ANKIB1: variants seen among roughly 807,000 people sequenced by gnomAD.
The protein encoded by ANKIB1 is ankyrin repeat and IBR domain containing 1.
In ANKIB1, 43 loss-of-function variants were observed where a neutral mutation model predicts 122.1. The observed-to-expected ratio is 0.35, with a 90% CI of 0.28 to 0.45. The LOEUF is 0.45. Ranked by LOEUF, ANKIB1 falls within the 20% of genes least tolerant of loss-of-function variation. The pLI is 1.00. For missense variants in ANKIB1, 992 were observed against 1,329.5 expected (o/e 0.75, Z 3.95); for synonymous variants, 390 against 442.0 (o/e 0.88, Z 1.48).
chr7:92,328,226 G>T (rs1011111041), intron 5 of ANKIB1, among the ~76,000 whole-genome samples: 3 of 152,020 alleles, frequency 2.0e-5, no homozygotes, highest in Non-Finnish European at 4.4e-5. Context: ...TCCTAGCCCT[G>T]GTTTTGACAT....
At chr7:92,352,399 A>G in intron 8 of ANKIB1, 77 bp from the exon 9 acceptor site, 1 of 1,411,118 alleles carries the variant, frequency 7.1e-7, no homozygotes, top group Non-Finnish European at 9.7e-7. Context: ...ATAGTAAATT[A>G]CCATAGAGGT....
chr7:92,292,946 G>A (rs1217698557), intron 1 of ANKIB1, among the ~76,000 whole-genome samples: 1 of 152,080 alleles, frequency 6.6e-6, no homozygotes, highest in African/African-American at 2.4e-5. Flanking sequence ...TCTACTGTAT[G>A]TATGTATTTG....
chr7:92,324,418 G>A (rs897923804), intron 4 of ANKIB1, among the ~76,000 whole-genome samples: 1 of 152,090 alleles, frequency 6.6e-6, no homozygotes, highest in Non-Finnish European at 1.5e-5. Flanking sequence ...ATTTTTAGTA[G>A]AGACAGGGTT....
At chr7:92,319,772 A>G (rs1802865912) in intron 4 of ANKIB1, 1 of 335,666 alleles carries the variant, frequency 3.0e-6, no homozygotes, top group Non-Finnish European at 5.4e-6. Flanking sequence ...TCTATCTACA[A>G]AAAATTTTAA....
intron 1 of ANKIB1, among the ~76,000 whole-genome samples, chr7:92,258,350 G>A (rs1801490062): frequency 6.6e-6 from 1 of 152,194 alleles, no homozygotes; most frequent in South Asian, 2.1e-4. Context: ...AATGTCCTAA[G>A]CCAGAGGTTC....
intron 2 of ANKIB1, among the ~76,000 whole-genome samples, chr7:92,306,355 C>T (rs574901165): frequency 6.6e-6 from 1 of 152,206 alleles, no homozygotes; most frequent in African/African-American, 2.4e-5. Flanking sequence ...AGGAGCTAGG[C>T]ACAACTCTTA....
At chr7:92,262,266 G>T (rs1801581679) in intron 1 of ANKIB1, among the ~76,000 whole-genome samples, 1 of 152,214 alleles carries the variant, frequency 6.6e-6, no homozygotes, top group African/African-American at 2.4e-5. Context: ...GATGTATGCA[G>T]TATAAATTAA....
chr7:92,302,260 T>A (rs1386631641), intron 2 of ANKIB1, among the ~76,000 whole-genome samples: 2 of 152,198 alleles, frequency 1.3e-5, no homozygotes, highest in Non-Finnish European at 2.9e-5. Context: ...GATGTATATA[T>A]GTAGGCAAAG....
At chr7:92,392,213 T>C (rs532601479) in intron 16 of ANKIB1, 28 bp from the exon 17 acceptor site, 2 of 1,598,420 alleles carry the variant, frequency 1.3e-6, no homozygotes. Context: ...TGATATTAAA[T>C]CAAATGGTAT....
At chr7:92,261,603 T>C (rs1239831284) in intron 1 of ANKIB1, among the ~76,000 whole-genome samples, 1 of 152,200 alleles carries the variant, frequency 6.6e-6, no homozygotes, top group African/African-American at 2.4e-5. Flanking sequence ...TTTTTCATAT[T>C]CTCCAAGAAA....
At chr7:92,388,111 G>A in intron 14 of ANKIB1, 70 bp downstream of exon 14, 2 of 1,379,698 alleles carry the variant, frequency 1.4e-6, no homozygotes, top group Non-Finnish European at 2.0e-6. Flanking sequence ...TCACTAGTAG[G>A]TTAGGCCCTG....
At chr7:92,318,910 A>G (rs984048772) in intron 3 of ANKIB1, among the ~76,000 whole-genome samples, 2 of 152,352 alleles carry the variant, frequency 1.3e-5, no homozygotes, top group South Asian at 4.1e-4. Flanking sequence ...ATGCCAGGAC[A>G]TCCAGACTTT....
At chr7:92,251,142 T>C (rs986745870) in intron 1 of ANKIB1, among the ~76,000 whole-genome samples, 12 of 152,194 alleles carry the variant, frequency 7.9e-5, no homozygotes, top group Admixed American at 2.0e-4. Context: ...GAAACAATAT[T>C]GGAGGTAGAA....
chr7:92,379,565 A>G (rs956972140), intron 11 of ANKIB1, among the ~76,000 whole-genome samples: 1 of 152,206 alleles, frequency 6.6e-6, no homozygotes, highest in Non-Finnish European at 1.5e-5. Context: ...AGCCTACAAT[A>G]TAGACAAAGA....
chr7:92,322,139 TTAGTG>T (rs1262460236), intron 4 of ANKIB1, among the ~76,000 whole-genome samples: 1 of 152,188 alleles, frequency 6.6e-6, no homozygotes, highest in Non-Finnish European at 1.5e-5. Context: ...ACTGTAATAA[TTAGTG>T]TAGTCATTTA....
chr7:92,350,928 G>A (rs756098142), intron 7 of ANKIB1, 22 bp from the exon 8 acceptor site: 1 of 1,580,636 alleles, frequency 6.3e-7, no homozygotes, highest in Non-Finnish European at 8.6e-7. Context: ...CTCGTTTGAT[G>A]TGCATTGATC....
Position 92,398,754 on chromosome 7 carries a change from A to C in ANKIB1, c.3075A>C (p.Glu1025Asp). 6.2e-7 allele frequency: 1 copy of C among 1,613,542 alleles called. No homozygotes were observed. The highest frequency in any genetic ancestry group is 1.3e-5 in the African/African-American group (1 of 75,052). Residue 1025 changes from glutamate (E) to aspartate (D), a missense_variant, in exon 20 of 20, where the codon GAA becomes GAC. Coordinates refer to ENST00000265742, the MANE Select transcript of ANKIB1 (RefSeq NM_019004.2). ...ELVLPEDSMF[E>D]DASVSEGRGT... ...TGCTGCCAGAAGATTCAATGTTTGA[A>C]GATGCCAGTGTCAGTGAAGGTAGAG... is the stretch of plus-strand genomic sequence containing the variant.
At chr7:92,254,591 G>A (rs1801398061) in intron 1 of ANKIB1, among the ~76,000 whole-genome samples, 1 of 152,102 alleles carries the variant, frequency 6.6e-6, no homozygotes, top group South Asian at 2.1e-4. Flanking sequence ...TATGAGGCTA[G>A]CCATCTTTCA....
chr7:92,283,958 A>C (rs768882813), intron 1 of ANKIB1, among the ~76,000 whole-genome samples: 5 of 152,014 alleles, frequency 3.3e-5, no homozygotes, highest in Non-Finnish European at 7.4e-5. Flanking sequence ...TTTAGTAGGG[A>C]CGGGGTTTCA....
Sources: allele counts gnomAD v4.1 joint callset (sites outside exome capture counted in the v4.1 genomes callset), GRCh38; gene constraint gnomAD v4.1.1; transcripts MANE v1.5; gene names NCBI Gene and HGNC (gene_info 2026-07-23, HGNC 2026-07-21).